Variants in CCNH observed in about 807,000 individuals in gnomAD.
CCNH encodes cyclin H.
A neutral mutation model predicts 41.9 loss-of-function variants in CCNH; 31 were observed. The observed-to-expected ratio is 0.74, with a 90% CI of 0.56 to 1.00. CCNH has a LOEUF of 1.00. Among genes scored for constraint, CCNH ranks in the 50% least tolerant of loss-of-function variants. The probability of loss-of-function intolerance (pLI) is 0.00; values close to 1 mark genes in which losing one functional copy is unlikely to be tolerated. For missense variants in CCNH, 362 were observed against 388.4 expected, an observed-to-expected ratio of 0.93 and a Z score of 0.57; for synonymous variants, 138 against 136.1, an observed-to-expected ratio of 1.01 and a Z score of -0.10.
At chr5:87,374,132 AATATAT>A (rs145638178), downstream of CCNH, 28 of 1,211,384 alleles carry the variant, frequency 2.3e-5, no homozygotes, top group African/African-American at 4.5e-4. Flanking sequence ...AATCTGGGGT[AATATAT>A]ATATATATAT....
chr5:87,407,103 G>A (rs922870183), intron 4 of CCNH, among the ~76,000 whole-genome samples: 6 of 152,092 alleles, frequency 3.9e-5, no homozygotes, highest in Admixed American at 1.3e-4. Context: ...TTGAATTTGA[G>A]CTTTTTACCA....
chr5:87,353,130 T>G, intron 9 of CCNH: 1 of 1,562,684 alleles, frequency 6.4e-7, no homozygotes, highest in South Asian at 1.1e-5. Context: ...TGAGACAGAT[T>G]AATACTAGAA....
At chr5:87,316,348 G>A (rs987333001), downstream of CCNH, among the ~76,000 whole-genome samples, 3 of 152,136 alleles carry the variant, frequency 2.0e-5, no homozygotes, top group Middle Eastern at 3.4e-3. Context: ...AAATAGCTGC[G>A]GAAAAAATAA....
intron 9 of CCNH, among the ~76,000 whole-genome samples, chr5:87,322,279 C>A (rs1053998779): frequency 1.3e-5 from 2 of 152,154 alleles, no homozygotes; most frequent in Admixed American, 6.5e-5. Context: ...CTGAGCTCCA[C>A]CTTCTGATCA....
intron 9 of CCNH, among the ~76,000 whole-genome samples, chr5:87,370,245 T>G (rs1338668970): frequency 6.6e-6 from 1 of 152,140 alleles, no homozygotes; most frequent in African/African-American, 2.4e-5. Context: ...ACCAGTTAGT[T>G]TTGCTAACAA....
At chr5:87,333,160 A>G in intron 9 of CCNH, 5 of 1,487,522 alleles carry the variant, frequency 3.4e-6, no homozygotes, top group Non-Finnish European at 4.5e-6. Context: ...GAATGATCCC[A>G]TGGAGTTTCT....
At chr5:87,352,797 T>C (rs1389384585) in intron 9 of CCNH, among the ~76,000 whole-genome samples, 3 of 151,872 alleles carry the variant, frequency 2.0e-5, no homozygotes, top group African/African-American at 7.2e-5. Flanking sequence ...TTTCTGTGAA[T>C]TCTTCATTCT....
downstream of CCNH, chr5:87,393,590 A>C (rs1032828347): frequency 1.3e-5 from 2 of 152,160 alleles, no homozygotes; most frequent in East Asian, 3.8e-4. Flanking sequence ...TTTGAATTAC[A>C]TTTCTCTAAC....
In CCNH at chr5:87,326,223, G is replaced by C. The variant is rs148320761; in HGVS notation, c.*91-7326C>G. On this transcript the variant is annotated intron_variant and NMD_transcript_variant, in intron 9 of 9. Transcript: ENST00000645953. ...CTGGGTTCCAGCAGTCCCCTCCTCA[G>C]CCTCCCAAATTGCTGGTTTATAAAG... Among the ~76,000 whole-genome samples the C allele has an allele frequency of 2.6e-5, 4 of 152,174 alleles. No homozygotes were observed. In the East Asian group the frequency reaches 7.7e-4, roughly 29 times the overall value.
intron 9 of CCNH, among the ~76,000 whole-genome samples, chr5:87,337,607 T>A (rs572908934): frequency 2.6e-5 from 4 of 152,238 alleles, no homozygotes; most frequent in African/African-American, 9.6e-5. Context: ...GTAATAACAT[T>A]GAAGCATAAG....
chr5:87,389,029 A>G (rs1762268606), downstream of CCNH, among the ~76,000 whole-genome samples: 1 of 152,234 alleles, frequency 6.6e-6, no homozygotes. Flanking sequence ...TACAAAGTCT[A>G]TATTTTACCA....
chr5:87,355,813 G>A (rs1430505000), intron 9 of CCNH, among the ~76,000 whole-genome samples: 1 of 152,206 alleles, frequency 6.6e-6, no homozygotes, highest in Non-Finnish European at 1.5e-5. Flanking sequence ...ATTAACAGAA[G>A]TTTGGAAGAA....
intron 5 of CCNH, among the ~76,000 whole-genome samples, chr5:87,404,137 T>G (rs1387033105): frequency 6.6e-6 from 1 of 152,188 alleles, no homozygotes; most frequent in African/African-American, 2.4e-5. Context: ...AGAAAAGTTA[T>G]CTGGTGTATA....
chr5:87,330,854 AG>A, intron 9 of CCNH: 1 of 735,300 alleles, frequency 1.4e-6, no homozygotes, highest in Non-Finnish European at 1.9e-6. Context: ...AAATTAAAAT[AG>A]CATCCTTTAG....
downstream of CCNH, chr5:87,394,199 G>C (rs1762734866): frequency 1.8e-6 from 2 of 1,102,944 alleles, no homozygotes; most frequent in South Asian, 4.0e-5. Context: ...TAAAAAATTA[G>C]GCAAATGAGT....
chr5:87,374,140 T>C, downstream of CCNH: 1 of 1,387,904 alleles, frequency 7.2e-7, no homozygotes, highest in Non-Finnish European at 9.4e-7. Flanking sequence ...GTAATATATA[T>C]ATATATATTT....
In CCNH at chr5:87,411,276, C is replaced by A. The variant is rs751743850; in HGVS notation, c.188G>T (p.Arg63Met). The change falls in exon 2 of 9, where the codon AGG becomes ATG. Residue 63 changes from arginine to methionine, a missense_variant. Coordinates refer to ENST00000256897, the MANE Select transcript of CCNH (RefSeq NM_001239.4). ...EMTLCKYYEK[R>M]LLEFCSVFKP... is the part of the protein sequence containing the mutation. ...AAACACCGAACAGAATTCCAATAAC[C>A]TTTTCTCATAGTATTTGCAGAGTGT... The A allele has an allele frequency of 1.9e-6, 3 of 1,612,752 alleles. No homozygotes were observed. Among genetic ancestry groups the A allele is most frequent in the Non-Finnish European group, 2.5e-6 (3 of 1,179,418 alleles).
At chr5:87,387,540 C>T (rs1002846237), downstream of CCNH, among the ~76,000 whole-genome samples, 1 of 152,018 alleles carries the variant, frequency 6.6e-6, no homozygotes, top group Admixed American at 6.6e-5. Context: ...ATTAGTAATT[C>T]AGTTCATATA....
intron 9 of CCNH, chr5:87,362,758 G>C (rs1760211869): frequency 2.1e-6 from 3 of 1,459,606 alleles, no homozygotes; most frequent in Non-Finnish European, 2.9e-6. Flanking sequence ...TATTTAATAA[G>C]TTTTGACATG....
Sources: gnomAD v4.1 joint callset for allele counts (sites outside exome capture counted in the v4.1 genomes callset) on GRCh38, gnomAD v4.1.1 for gene constraint, MANE v1.5 for transcripts, NCBI Gene and HGNC (gene_info 2026-07-23, HGNC 2026-07-21) for gene names.